Variants in NIPBL observed in about 807,000 individuals in gnomAD.
NIPBL encodes NIPBL cohesin loading factor.
In NIPBL, 19 loss-of-function variants were observed where a neutral mutation model predicts 321.8. The observed-to-expected ratio is 0.06, with a 90% CI of 0.04 to 0.09. NIPBL has a LOEUF of 0.09. Among genes scored for constraint, NIPBL ranks in the 10% least tolerant of loss-of-function variants. The pLI, the probability that NIPBL is intolerant of heterozygous loss-of-function variation, is 1.00. For missense variants in NIPBL, 2,210 were observed against 3,327.0 expected, an observed-to-expected ratio of 0.66 and a Z score of 8.26; for synonymous variants, 1,106 against 1,114.1, an observed-to-expected ratio of 0.99 and a Z score of 0.14.
intron 34 of NIPBL, among the ~76,000 whole-genome samples, chr5:37,039,013 G>A (rs1752032895): frequency 6.6e-6 from 1 of 152,076 alleles, no homozygotes; most frequent in African/African-American, 2.4e-5. Context: ...ATGAAGCAGA[G>A]TTCCTCTCTT....
chr5:36,947,936 T>G (rs1739866942), intron 1 of NIPBL, among the ~76,000 whole-genome samples: 1 of 151,980 alleles, frequency 6.6e-6, no homozygotes. Context: ...GCTTATGATG[T>G]GCACACTGAT....
chr5:37,055,512 G>T (rs1753999058), intron 42 of NIPBL, among the ~76,000 whole-genome samples: 1 of 152,070 alleles, frequency 6.6e-6, no homozygotes, highest in Admixed American at 6.6e-5. Flanking sequence ...AAGTCAGATT[G>T]CAAAGGAGTT....
intron 46 of NIPBL, chr5:37,064,224 G>A: frequency 1.4e-6 from 2 of 1,388,700 alleles, no homozygotes; most frequent in Non-Finnish European, 9.3e-7. Flanking sequence ...TCTTTGAATT[G>A]TATTAATGTG....
chr5:36,886,901 G>T (rs1444250389), intron 1 of NIPBL, among the ~76,000 whole-genome samples: 2 of 151,652 alleles, frequency 1.3e-5, no homozygotes, highest in Non-Finnish European at 2.9e-5. Context: ...TTAGCAGAAA[G>T]CTTCTGAGAT....
At chr5:37,013,550 C>T (rs1420336279) in intron 21 of NIPBL, among the ~76,000 whole-genome samples, 2 of 151,414 alleles carry the variant, frequency 1.3e-5, no homozygotes, top group Non-Finnish European at 2.9e-5. Flanking sequence ...CGGGCAGAGA[C>T]GCTCCTCACA....
At chr5:37,020,244 A>C (rs995325282) in intron 25 of NIPBL, among the ~76,000 whole-genome samples, 1 of 152,358 alleles carries the variant, frequency 6.6e-6, no homozygotes, top group East Asian at 1.9e-4. Context: ...GACTTCATTA[A>C]TATAAGTATT....
At position 37,009,973 on chromosome 5, in the gene NIPBL, AAG is replaced by A. The variant is rs1434556092; in HGVS notation, c.4422-112_4422-111del. On this transcript the variant is annotated intron_variant, in intron 20 of 46. Coordinates refer to ENST00000282516, the MANE Select transcript of NIPBL (RefSeq NM_133433.4). Reference sequence around the variant, plus strand: ...TACACATAAGAACACAATAAGCACTAAGATCATGCCTAGAAATATTGGCAAAC... The same window carrying A: ...TACACATAAGAACACAATAAGCACTAATCATGCCTAGAAATATTGGCAAAC... 4.8e-6 allele frequency: 4 copies of A among 826,868 alleles called. No homozygotes were observed. The African/African-American group carries it at 6.7e-5, about 14-fold the overall frequency. The allele number at this position is 826,868 out of a possible 1,614,324, so 51.2% of individuals were successfully genotyped here. A position where few individuals can be genotyped will look rare whatever the true frequency, so the allele number is the denominator to read the frequency against.
At chr5:36,954,778 G>A (rs935734873) in intron 2 of NIPBL, among the ~76,000 whole-genome samples, 2 of 152,114 alleles carry the variant, frequency 1.3e-5, no homozygotes, top group Non-Finnish European at 1.5e-5. Flanking sequence ...TAGAAATTAA[G>A]CCAAAAACAA....
intron 10 of NIPBL, among the ~76,000 whole-genome samples, chr5:36,993,072 C>T (rs900077066): frequency 1.3e-5 from 2 of 152,056 alleles, no homozygotes; most frequent in Admixed American, 1.3e-4. Context: ...ATCAAGCAAC[C>T]TGGCGGAGTC....
intron 4 of NIPBL, among the ~76,000 whole-genome samples, chr5:36,960,558 G>A (rs996737442): frequency 4.6e-5 from 7 of 152,224 alleles, no homozygotes; most frequent in Admixed American, 4.6e-4. Flanking sequence ...ATTTCATTCA[G>A]CTACAATCTC....
intron 1 of NIPBL, among the ~76,000 whole-genome samples, chr5:36,920,825 A>ATT (rs373949491): frequency 1.5e-5 from 2 of 135,540 alleles, no homozygotes; most frequent in East Asian, 2.1e-4. Flanking sequence ...TTGTTCCTTA[A>ATT]TTTTTTTTTT....
chr5:37,009,508 T>G (rs953176143), intron 20 of NIPBL, among the ~76,000 whole-genome samples: 7 of 152,242 alleles, frequency 4.6e-5, no homozygotes, highest in Non-Finnish European at 1.0e-4. Flanking sequence ...AATCATTTTT[T>G]GGACTAATTG....
Position 37,059,137 on chromosome 5 carries a change from T to C in NIPBL, c.7657T>C (p.Leu2553=). The C allele has an allele frequency of 6.2e-7, 1 of 1,614,174 alleles. No individual in the cohort carries two copies. The change falls in exon 44 of 47, where the codon TTG becomes CTG. Residue 2553 remains leucine (L), a synonymous_variant. Transcript: ENST00000282516. ...ATTACTTCTCATGTTAAAACAACAT[T>C]TGAAGAATCTTTGTGGATTTTCTGA... is the stretch of plus-strand genomic sequence containing the variant. ...ILLLLMLKQH[L]KNLCGFSDSK...
At chr5:36,958,062 AG>A (rs1366143113) in intron 3 of NIPBL, 41 bp from the exon 4 acceptor site, 7 of 1,600,136 alleles carry the variant, frequency 4.4e-6, no homozygotes, top group Non-Finnish European at 6.0e-6. Context: ...CTTAAGAATC[AG>A]TCACCATTTT....
chr5:37,044,755 A>T, intron 36 of NIPBL, 26 bp downstream of exon 36: 1 of 1,532,064 alleles, frequency 6.5e-7, no homozygotes, highest in Non-Finnish European at 9.0e-7. Context: ...GGGTTTTAAA[A>T]TTATTCTGCT....
chr5:37,030,657 T>C (rs928524193), intron 32 of NIPBL, among the ~76,000 whole-genome samples: 19 of 152,186 alleles, frequency 1.2e-4, no homozygotes, highest in African/African-American at 4.1e-4. Context: ...TCTCCCCATT[T>C]ATTGAATTTT....
At chr5:36,952,600 A>C (rs1218929301) in intron 1 of NIPBL, among the ~76,000 whole-genome samples, 2 of 152,244 alleles carry the variant, frequency 1.3e-5, no homozygotes, top group Non-Finnish European at 2.9e-5. Flanking sequence ...GAACAGAATA[A>C]CAAAGTGTTC....
Position 36,970,952 on chromosome 5 carries a change from C to G in NIPBL, c.687C>G (p.Gly229=). 1 of 1,613,384 alleles carries G rather than the reference C, an allele frequency of 6.2e-7. No homozygotes were observed. Among genetic ancestry groups the G allele is most frequent in the Non-Finnish European group, 8.5e-7 (1 of 1,179,450 alleles). The change falls in exon 7 of 47, where the codon GGC becomes GGG. Residue 229 remains glycine (G), a synonymous_variant. Transcript: ENST00000282516. ...ATAAAGTTTCTGGTCCGTTGTCTGG[C>G]AATTCAGCTAATCATCATGCTGATA... The part of the protein sequence containing the change: ...HDNKVSGPLS[G]NSANHHADNP...
chr5:36,949,925 C>A (rs1740081600), intron 1 of NIPBL, among the ~76,000 whole-genome samples: 1 of 151,978 alleles, frequency 6.6e-6, no homozygotes, highest in South Asian at 2.1e-4. Context: ...CCTTCAGACT[C>A]ATTAGAATGG....
Sources: gnomAD v4.1 joint callset for allele counts (sites outside exome capture counted in the v4.1 genomes callset) on GRCh38, gnomAD v4.1.1 for gene constraint, MANE v1.5 for transcripts, NCBI Gene and HGNC (gene_info 2026-07-23, HGNC 2026-07-21) for gene names.